The following LRP2 variants were observed in gnomAD, a reference collection of about 807,000 sequenced individuals.
LRP2 encodes the protein LDL receptor related protein 2, also known as low-density lipoprotein receptor-related protein 2.
In LRP2, 172 loss-of-function variants were observed where a neutral mutation model predicts 531.0. The ratio of observed to expected loss-of-function variants is 0.32; its 90% confidence interval spans 0.29 to 0.37. The LOEUF is 0.37. LRP2 is among the 10% of genes least tolerant of loss of function. The pLI is 1.00. For synonymous variants in LRP2, 1,992 were observed against 2,027.6 expected (o/e 0.98, Z 0.47); for missense variants, 5,167 against 5,868.3 (o/e 0.88, Z 3.90).
intron 34 of LRP2, among the ~76,000 whole-genome samples, chr2:169,217,900 C>G (rs765126256): frequency 6.6e-6 from 1 of 152,178 alleles, no homozygotes; most frequent in Non-Finnish European, 1.5e-5. Context: ...TTTTGACCTA[C>G]AAGTTTATCT....
intron 76 of LRP2, among the ~76,000 whole-genome samples, chr2:169,134,872 G>C (rs1471548602): frequency 2.6e-5 from 4 of 152,104 alleles, no homozygotes; most frequent in Non-Finnish European, 4.4e-5. Context: ...CATCAAAAAG[G>C]CATCAGATCC....
chr2:169,298,194 ATCATCATC>A (rs1281689677), intron 4 of LRP2, among the ~76,000 whole-genome samples: 5 of 12,088 alleles, frequency 4.1e-4, no homozygotes, highest in African/African-American at 8.5e-4. Flanking sequence ...TAAACAAGCA[ATCATCATC>A]ATCATCATCA....
At chr2:169,337,358 G>A (rs943836991) in intron 1 of LRP2, among the ~76,000 whole-genome samples, 6 of 152,032 alleles carry the variant, frequency 3.9e-5, no homozygotes, top group African/African-American at 4.8e-5. Context: ...TCCTAACATC[G>A]TACCACATAG....
chr2:169,309,165 C>A (rs1213217443), intron 3 of LRP2, among the ~76,000 whole-genome samples: 2 of 152,074 alleles, frequency 1.3e-5, no homozygotes, highest in Non-Finnish European at 2.9e-5. Context: ...TTCTCCCATT[C>A]TATAGGTTGC....
chr2:169,255,269 G>C (rs950313358), intron 19 of LRP2, among the ~76,000 whole-genome samples: 1 of 152,122 alleles, frequency 6.6e-6, no homozygotes, highest in African/African-American at 2.4e-5. Flanking sequence ...TCTTGGCCTG[G>C]CATTTTTATG....
chr2:169,197,379 C>T (rs1688041412), intron 45 of LRP2, among the ~76,000 whole-genome samples: 1 of 152,038 alleles, frequency 6.6e-6, no homozygotes, highest in Non-Finnish European at 1.5e-5. Context: ...AAATAAATTC[C>T]ATTGCAATGA....
chr2:169,162,963 C>A (rs72874736), intron 62 of LRP2, among the ~76,000 whole-genome samples: 4,172 of 152,334 alleles, frequency 0.027, 72 homozygotes, highest in African/African-American at 0.048. Flanking sequence ...TTATGTTACA[C>A]CCCTGAGATT....
chr2:169,147,578 A>G (rs555278303), intron 68 of LRP2, among the ~76,000 whole-genome samples: 23 of 152,042 alleles, frequency 1.5e-4, no homozygotes, highest in Non-Finnish European at 5.9e-5. Flanking sequence ...CAGCCTCCCA[A>G]AGTGTTGGGA....
At chr2:169,303,222 C>A (rs916868160) in intron 4 of LRP2, among the ~76,000 whole-genome samples, 1 of 151,940 alleles carries the variant, frequency 6.6e-6, no homozygotes. Flanking sequence ...AAGGTTTAGA[C>A]AATAATATGT....
At chr2:169,202,606 G>T in intron 43 of LRP2, 150 bp downstream of exon 43, 1 of 779,742 alleles carries the variant, frequency 1.3e-6, no homozygotes, top group Non-Finnish European at 2.2e-6. Context: ...AACAGAAACA[G>T]TCTGGATTAT....
chr2:169,138,465 T>C, intron 75 of LRP2, 112 bp downstream of exon 75: 1 of 1,182,274 alleles, frequency 8.5e-7, no homozygotes, highest in Admixed American at 2.0e-5. Flanking sequence ...GACCTTATTC[T>C]GAGAGGCCTA....
chr2:169,303,357 A>G (rs753226765), intron 4 of LRP2, among the ~76,000 whole-genome samples: 20 of 152,196 alleles, frequency 1.3e-4, no homozygotes, highest in Non-Finnish European at 2.5e-4. Context: ...TGGCTCCCCT[A>G]CTCTTACATC....
intron 3 of LRP2, among the ~76,000 whole-genome samples, chr2:169,313,577 G>A (rs879316887): frequency 1.1e-4 from 16 of 152,224 alleles, no homozygotes; most frequent in South Asian, 2.1e-4. Context: ...TGGAAGCTTC[G>A]TCTCAGAGGG....
intron 6 of LRP2, among the ~76,000 whole-genome samples, chr2:169,293,338 G>A (rs919074668): frequency 6.6e-6 from 1 of 152,186 alleles, no homozygotes; most frequent in African/African-American, 2.4e-5. Flanking sequence ...ATAAAAGCAA[G>A]GTCAGCGTGA....
At chr2:169,311,823 G>A (rs1489743128) in intron 3 of LRP2, among the ~76,000 whole-genome samples, 2 of 152,118 alleles carry the variant, frequency 1.3e-5, no homozygotes, top group Non-Finnish European at 2.9e-5. Context: ...CATTATTATT[G>A]TGTGGGAGTC....
intron 1 of LRP2, among the ~76,000 whole-genome samples, chr2:169,344,373 G>C (rs1046213761): frequency 1.3e-5 from 2 of 150,772 alleles, no homozygotes; most frequent in African/African-American, 4.9e-5. Flanking sequence ...TGTGATGTTT[G>C]GTTTTCTGTT....
chr2:169,176,630 AG>A, intron 53 of LRP2, 42 bp from the exon 54 acceptor site: 2 of 1,566,534 alleles, frequency 1.3e-6, no homozygotes, highest in Non-Finnish European at 1.8e-6. Flanking sequence ...TTGCTGAAAG[AG>A]AGTATCAAGC....
At chr2:169,310,630 G>T (rs555593451) in intron 3 of LRP2, among the ~76,000 whole-genome samples, 4 of 152,250 alleles carry the variant, frequency 2.6e-5, no homozygotes, top group East Asian at 3.9e-4. Flanking sequence ...TTTTTGCATC[G>T]ATGTTCATCA....
At chr2:169,158,864 A>C (rs962255595) in intron 63 of LRP2, among the ~76,000 whole-genome samples, 7 of 151,556 alleles carry the variant, frequency 4.6e-5, no homozygotes, top group African/African-American at 9.7e-5. Flanking sequence ...AAACAAAAAA[A>C]ACACAGTTTA....
Sources: allele counts gnomAD v4.1 joint callset (sites outside exome capture counted in the v4.1 genomes callset), GRCh38; gene constraint gnomAD v4.1.1; transcripts MANE v1.5; gene names NCBI Gene and HGNC (gene_info 2026-07-23, HGNC 2026-07-21).